The following WIF1 variants were observed in gnomAD, a reference collection of about 807,000 sequenced individuals.
WIF1 encodes the protein Wnt inhibitory factor 1.
In WIF1, 35 loss-of-function variants were observed where a neutral mutation model predicts 53.5. That is an observed-to-expected ratio of 0.65 (90% CI 0.50 to 0.87). The LOEUF (loss-of-function observed/expected upper bound fraction) is 0.87, where lower values mean the gene tolerates loss of function less well. Ranked by LOEUF, WIF1 falls within the 40% of genes least tolerant of loss-of-function variation. WIF1 has a pLI of 0.00. For synonymous variants in WIF1, 171 were observed against 170.4 expected (o/e 1.00, Z -0.03); for missense variants, 467 against 476.8 (o/e 0.98, Z 0.19).
chr12:65,116,761 C>T (rs1386905544), intron 2 of WIF1, among the ~76,000 whole-genome samples: 3 of 151,258 alleles, frequency 2.0e-5, no homozygotes, highest in Non-Finnish European at 3.0e-5. Flanking sequence ...GGTGAAACCC[C>T]GTCTCTACTA....
intron 2 of WIF1, among the ~76,000 whole-genome samples, chr12:65,117,576 C>T (rs892214235): frequency 2.6e-5 from 4 of 152,138 alleles, no homozygotes; most frequent in Non-Finnish European, 5.9e-5. Flanking sequence ...GCTTCAGGCA[C>T]ATCATATTTA....
chr12:65,062,960 G>A (rs1350132523), intron 6 of WIF1, among the ~76,000 whole-genome samples: 1 of 152,076 alleles, frequency 6.6e-6, no homozygotes, highest in Admixed American at 6.6e-5. Context: ...GTAAAAAGGA[G>A]AAGACTTACT....
intron 2 of WIF1, among the ~76,000 whole-genome samples, chr12:65,094,768 A>T (rs1181850026): frequency 6.6e-6 from 1 of 152,018 alleles, no homozygotes; most frequent in Non-Finnish European, 1.5e-5. Context: ...CAAAGGAGTT[A>T]TTTTTGTGTC....
At chr12:65,083,239 G>A (rs1306660380) in intron 2 of WIF1, among the ~76,000 whole-genome samples, 2 of 152,150 alleles carry the variant, frequency 1.3e-5, no homozygotes, top group African/African-American at 4.8e-5. Context: ...TACGCTGTAA[G>A]TGAAGGGCCA....
At chr12:65,059,661 T>G (rs1882581542) in intron 7 of WIF1, among the ~76,000 whole-genome samples, 2 of 152,050 alleles carry the variant, frequency 1.3e-5, no homozygotes, top group African/African-American at 2.4e-5. Context: ...TTTTACTTTT[T>G]TTTTTTTGAG....
intron 6 of WIF1, among the ~76,000 whole-genome samples, chr12:65,063,031 C>T (rs951970636): frequency 6.6e-5 from 10 of 152,070 alleles, no homozygotes; most frequent in Non-Finnish European, 1.2e-4. Context: ...AACTTTCTTT[C>T]AGGACAAGAT....
chr12:65,084,564 A>G (rs185117515), intron 2 of WIF1, among the ~76,000 whole-genome samples: 1 of 152,284 alleles, frequency 6.6e-6, no homozygotes, highest in East Asian at 1.9e-4. Flanking sequence ...AACTTTTCAT[A>G]TGTTTATATC....
intron 2 of WIF1, among the ~76,000 whole-genome samples, chr12:65,119,637 A>C (rs1255830640): frequency 6.6e-6 from 1 of 152,196 alleles, no homozygotes; most frequent in Non-Finnish European, 1.5e-5. Context: ...CTACCAACTA[A>C]TAAGCTGAAG....
At chr12:65,120,616 A>T in intron 1 of WIF1, 60 bp from the exon 2 acceptor site, 1 of 1,555,026 alleles carries the variant, frequency 6.4e-7, no homozygotes, top group South Asian at 1.2e-5. Flanking sequence ...CTAAATCAGA[A>T]GTTTCAAGCA....
At chr12:65,084,618 G>A (rs1883007390) in intron 2 of WIF1, among the ~76,000 whole-genome samples, 1 of 152,154 alleles carries the variant, frequency 6.6e-6, no homozygotes, top group Non-Finnish European at 1.5e-5. Context: ...CTAAGAATGG[G>A]ACTACATATT....
intron 3 of WIF1, among the ~76,000 whole-genome samples, chr12:65,076,870 A>C (rs1882868732): frequency 6.6e-6 from 1 of 152,130 alleles, no homozygotes; most frequent in South Asian, 2.1e-4. Flanking sequence ...ATGACATAGG[A>C]AATGGTTATG....
At chr12:65,078,375 G>A (rs143728515) in intron 2 of WIF1, among the ~76,000 whole-genome samples, 1 of 152,262 alleles carries the variant, frequency 6.6e-6, no homozygotes, top group Non-Finnish European at 1.5e-5. Context: ...TACTATGCCT[G>A]CCCAGTAATT....
chr12:65,078,286 C>G (rs889272867), intron 2 of WIF1, among the ~76,000 whole-genome samples: 3 of 152,114 alleles, frequency 2.0e-5, no homozygotes, highest in Non-Finnish European at 4.4e-5. Context: ...ACCATGTTGC[C>G]GGGGTCTGTC....
At chr12:65,067,563 G>T in intron 5 of WIF1, 132 bp downstream of exon 5, 2 of 869,636 alleles carry the variant, frequency 2.3e-6, no homozygotes, top group South Asian at 1.5e-5. Flanking sequence ...TGATGGCATT[G>T]TGCCAAAATT....
intron 2 of WIF1, among the ~76,000 whole-genome samples, chr12:65,100,223 C>G (rs1053368710): frequency 6.6e-6 from 1 of 152,262 alleles, no homozygotes; most frequent in South Asian, 2.1e-4. Flanking sequence ...AATGTAGCAT[C>G]TATCTGATGG....
chr12:65,076,307 G>T (rs1882860311), intron 3 of WIF1, among the ~76,000 whole-genome samples: 1 of 151,736 alleles, frequency 6.6e-6, no homozygotes, highest in Non-Finnish European at 1.5e-5. Flanking sequence ...AAAATGTAGA[G>T]ATTATAGGTA....
At chr12:65,116,286 C>T (rs906501312) in intron 2 of WIF1, among the ~76,000 whole-genome samples, 7 of 152,254 alleles carry the variant, frequency 4.6e-5, no homozygotes, top group East Asian at 1.9e-4. Context: ...GAGCAGTGGG[C>T]GAGTGTTCCC....
In WIF1 at chr12:65,071,231, CAA is replaced by C. The variant is rs67928556; in HGVS notation, c.398-2329_398-2328del. On this transcript the variant is annotated intron_variant, in intron 3 of 9. Coordinates refer to ENST00000286574, the MANE Select transcript of WIF1 (RefSeq NM_007191.5). Reference sequence around the variant, plus strand: ...CCTGGGCAACAGAGCAAGACTCCATCAAAAAAAAAAAAAAAAAAAAAAAGGAA... The same window carrying C: ...CCTGGGCAACAGAGCAAGACTCCATCAAAAAAAAAAAAAAAAAAAAAGGAA... 9.8e-3 allele frequency among the ~76,000 whole-genome samples: 695 copies of C among 71,120 alleles called. 2 individuals carry two copies. Among genetic ancestry groups the C allele is most frequent in the African/African-American group, 0.029 (516 of 17,806 alleles). The allele number at this position is 71,120 out of a possible 152,430, so 46.7% of individuals were successfully genotyped here. A position where few individuals can be genotyped will look rare whatever the true frequency, so the allele number is the denominator to read the frequency against.
intron 3 of WIF1, among the ~76,000 whole-genome samples, chr12:65,072,297 C>G (rs1432875700): frequency 6.6e-6 from 1 of 152,130 alleles, no homozygotes; most frequent in Non-Finnish European, 1.5e-5. Context: ...TCCTCCCACT[C>G]AACTTTCAAG....
Sources: gnomAD v4.1 joint callset for allele counts (sites outside exome capture counted in the v4.1 genomes callset) on GRCh38, gnomAD v4.1.1 for gene constraint, MANE v1.5 for transcripts, NCBI Gene and HGNC (gene_info 2026-07-23, HGNC 2026-07-21) for gene names.